CCDC178: variants seen among roughly 807,000 people sequenced by gnomAD.
CCDC178 encodes the protein coiled-coil domain containing 178.
Under a neutral mutation model 117.4 loss-of-function variants are expected in CCDC178, and 126 were observed. That is an observed-to-expected ratio of 1.07 (90% confidence interval 0.93 to 1.24). The LOEUF is 1.24. CCDC178 is among the 50% of genes most tolerant of loss of function. The pLI, the probability that CCDC178 is intolerant of heterozygous loss-of-function variation, is 0.00. For synonymous variants in CCDC178, 283 were observed against 313.4 expected (o/e 0.90, Z 1.02); for missense variants, 1,030 against 986.9 (o/e 1.04, Z -0.59).
chr18:32,966,304 C>G (rs917413084), intron 22 of CCDC178, among the ~76,000 whole-genome samples: 7 of 151,752 alleles, frequency 4.6e-5, no homozygotes, highest in Non-Finnish European at 1.0e-4. Flanking sequence ...AGCTTCATGC[C>G]TGCTGTCTGT....
chr18:33,041,371 G>T (rs924114340), intron 21 of CCDC178, among the ~76,000 whole-genome samples: 1 of 150,964 alleles, frequency 6.6e-6, no homozygotes, highest in African/African-American at 2.4e-5. Context: ...AATATACAAA[G>T]CAGACCACCA....
At chr18:33,389,837 A>G (rs765565360) in intron 4 of CCDC178, among the ~76,000 whole-genome samples, 9 of 151,860 alleles carry the variant, frequency 5.9e-5, no homozygotes, top group Non-Finnish European at 1.3e-4. Flanking sequence ...TTTCATAAGA[A>G]GGTATTCAAA....
At chr18:33,279,775 C>T (rs2059997831) in intron 12 of CCDC178, among the ~76,000 whole-genome samples, 1 of 152,088 alleles carries the variant, frequency 6.6e-6, no homozygotes, top group African/African-American at 2.4e-5. Flanking sequence ...TGGAACAGAA[C>T]AGAGCCCTCA....
intron 12 of CCDC178, among the ~76,000 whole-genome samples, chr18:33,274,787 A>G (rs1028331189): frequency 6.6e-5 from 10 of 152,210 alleles, no homozygotes; most frequent in African/African-American, 2.2e-4. Flanking sequence ...GTCAAAATTA[A>G]TGATTTGCAC....
chr18:33,278,593 C>T (rs917019439), intron 12 of CCDC178, among the ~76,000 whole-genome samples: 1 of 151,894 alleles, frequency 6.6e-6, no homozygotes, highest in East Asian at 1.9e-4. Flanking sequence ...CTATCATATA[C>T]AAAACAAACA....
At chr18:33,131,542 T>C (rs2058068721) in intron 20 of CCDC178, among the ~76,000 whole-genome samples, 1 of 151,826 alleles carries the variant, frequency 6.6e-6, no homozygotes, top group Non-Finnish European at 1.5e-5. Flanking sequence ...CTTAGAATTA[T>C]GAATATAATG....
At chr18:33,389,703 G>A in intron 4 of CCDC178, 74 bp from the exon 5 acceptor site, 1 of 611,358 alleles carries the variant, frequency 1.6e-6, no homozygotes. Flanking sequence ...GCACCACCAT[G>A]TAAAAAACTA....
intron 7 of CCDC178, among the ~76,000 whole-genome samples, chr18:33,351,148 A>ATGTGTGTGTGTGTG (rs143702049): frequency 1.1e-3 from 158 of 138,162 alleles, no homozygotes; most frequent in Middle Eastern, 3.7e-3. Context: ...ACTGATCATG[A>ATGTGTGTGTGTGTG]TGTGTGTGTG....
chr18:33,255,262 G>A (rs2059665239), intron 14 of CCDC178, among the ~76,000 whole-genome samples: 1 of 151,970 alleles, frequency 6.6e-6, no homozygotes. Flanking sequence ...AAATTACCCA[G>A]CTTCAGGTAT....
chr18:32,966,631 T>G (rs1239032880), intron 22 of CCDC178, among the ~76,000 whole-genome samples: 1 of 151,954 alleles, frequency 6.6e-6, no homozygotes, highest in Non-Finnish European at 1.5e-5. Flanking sequence ...GTTAGAGCTA[T>G]CCTTGTGGAT....
chr18:33,304,698 A>G (rs561787111), intron 11 of CCDC178, among the ~76,000 whole-genome samples: 2 of 152,162 alleles, frequency 1.3e-5, no homozygotes, highest in South Asian at 4.1e-4. Flanking sequence ...AGCTGAGACT[A>G]GTTAGAACCA....
At chr18:33,165,526 T>C (rs1444845642) in intron 20 of CCDC178, among the ~76,000 whole-genome samples, 1 of 152,182 alleles carries the variant, frequency 6.6e-6, no homozygotes, top group Non-Finnish European at 1.5e-5. Context: ...CACTGAAGGA[T>C]GACTGAATAA....
chr18:33,115,892 G>T lies in CCDC178; in HGVS notation c.2239-22982C>A, dbSNP rs2057850706. Among the ~76,000 whole-genome samples, 3 of 151,986 alleles carry T rather than the reference G, an allele frequency of 2.0e-5. No homozygotes were observed. In the South Asian group the frequency reaches 6.2e-4, roughly 32 times the overall value. ...TTCAAGTAGTTACAGTATACATGAT[G>T]ACTCTTTTATTGCAAATTAGATTAT... On this transcript the variant is annotated intron_variant, in intron 20 of 22. Transcript: ENST00000383096.
chr18:32,985,446 C>T (rs1598755964), intron 21 of CCDC178, among the ~76,000 whole-genome samples: 1 of 151,804 alleles, frequency 6.6e-6, no homozygotes, highest in East Asian at 1.9e-4. Context: ...TGTTAGTGAT[C>T]TAGAATTGTT....
At chr18:33,058,708 T>C (rs2056870497) in intron 21 of CCDC178, among the ~76,000 whole-genome samples, 1 of 152,154 alleles carries the variant, frequency 6.6e-6, no homozygotes, top group African/African-American at 2.4e-5. Flanking sequence ...AAAGGTGAAT[T>C]GATGGTTTAC....
At chr18:33,088,110 A>G (rs2057409557) in intron 21 of CCDC178, among the ~76,000 whole-genome samples, 1 of 152,114 alleles carries the variant, frequency 6.6e-6, no homozygotes, top group Non-Finnish European at 1.5e-5. Context: ...TAGTCTAGGA[A>G]AGAATCTCCT....
At chr18:33,308,906 A>G (rs1312753770) in intron 11 of CCDC178, among the ~76,000 whole-genome samples, 1 of 152,192 alleles carries the variant, frequency 6.6e-6, no homozygotes, top group Non-Finnish European at 1.5e-5. Flanking sequence ...AGAACTGTGA[A>G]TCAATTAAAC....
chr18:32,973,803 A>G (rs931811874), intron 22 of CCDC178, among the ~76,000 whole-genome samples: 1 of 152,104 alleles, frequency 6.6e-6, no homozygotes, highest in African/African-American at 2.4e-5. Context: ...TTTTCACAGA[A>G]CAGGCATTCT....
At chr18:33,431,191 CTTTT>C (rs35139388) in intron 2 of CCDC178, among the ~76,000 whole-genome samples, 29 of 117,242 alleles carry the variant, frequency 2.5e-4, no homozygotes, top group African/African-American at 6.9e-4. Context: ...AATGATTTAA[CTTTT>C]TTTTTTTTTT....
Sources: allele counts gnomAD v4.1 joint callset (sites outside exome capture counted in the v4.1 genomes callset), GRCh38; gene constraint gnomAD v4.1.1; transcripts MANE v1.5; gene names NCBI Gene and HGNC (gene_info 2026-07-23, HGNC 2026-07-21).